PTGR1: variants seen among roughly 807,000 people sequenced by gnomAD.
PTGR1 encodes the protein 15-oxoprostaglandin 13-reductase.
In PTGR1, 23 loss-of-function variants were observed where a neutral mutation model predicts 37.7. The ratio of observed to expected loss-of-function variants is 0.61; its 90% CI spans 0.44 to 0.86. PTGR1 has a LOEUF of 0.86. Among genes scored for constraint, PTGR1 ranks in the 40% least tolerant of loss-of-function variants. The pLI is 0.00. For synonymous variants in PTGR1, 134 were observed against 140.0 expected, an observed-to-expected ratio of 0.96 and a Z score of 0.30; for missense variants, 351 against 394.3, an observed-to-expected ratio of 0.89 and a Z score of 0.93.
intron 4 of PTGR1, among the ~76,000 whole-genome samples, chr9:111,590,099 A>G (rs1829564142): frequency 6.6e-6 from 1 of 152,220 alleles, no homozygotes; most frequent in Non-Finnish European, 1.5e-5. Flanking sequence ...TGCAACACTA[A>G]TATCCTGAAC....
intron 8 of PTGR1, among the ~76,000 whole-genome samples, chr9:111,573,634 G>T (rs917918675): frequency 1.3e-5 from 2 of 152,104 alleles, no homozygotes; most frequent in African/African-American, 4.8e-5. Flanking sequence ...CAGAATCACT[G>T]TAGCAGAAAC....
At chr9:111,597,114 C>T (rs2132448765) in intron 2 of PTGR1, among the ~76,000 whole-genome samples, 1 of 152,078 alleles carries the variant, frequency 6.6e-6, no homozygotes, top group South Asian at 2.1e-4. Flanking sequence ...GTGAGCAAGG[C>T]CCATCCTAAA....
intron 9 of PTGR1, among the ~76,000 whole-genome samples, chr9:111,569,194 A>G (rs1029137766): frequency 6.6e-6 from 1 of 152,184 alleles, no homozygotes; most frequent in African/African-American, 2.4e-5. Flanking sequence ...GGGAACTCCC[A>G]GCATACTGAG....
At chr9:111,599,282 C>G (rs1052943216) in intron 1 of PTGR1, 5 of 152,346 alleles carry the variant, frequency 3.3e-5, no homozygotes, top group South Asian at 2.1e-4. Context: ...TACCCTCCCC[C>G]AGTTGTGCAG....
chr9:111,584,183 G>T (rs1829362450), intron 5 of PTGR1, among the ~76,000 whole-genome samples: 4 of 152,230 alleles, frequency 2.6e-5, no homozygotes, highest in Admixed American at 2.6e-4. Context: ...TACTGATGGG[G>T]ACTGGGTGAA....
chr9:111,586,979 T>C (rs1054677342), intron 4 of PTGR1, among the ~76,000 whole-genome samples: 2 of 152,054 alleles, frequency 1.3e-5, no homozygotes, highest in African/African-American at 4.8e-5. Context: ...AACACCAGAC[T>C]AATTTTTGTA....
At chr9:111,570,666 C>A (rs1828778395) in intron 8 of PTGR1, among the ~76,000 whole-genome samples, 1 of 151,712 alleles carries the variant, frequency 6.6e-6, no homozygotes, top group Non-Finnish European at 1.5e-5. Context: ...ATAGTCCCAG[C>A]TACTTGGGAG....
At chr9:111,577,776 T>C (rs1291556960) in intron 7 of PTGR1, 1 of 151,726 alleles carries the variant, frequency 6.6e-6, no homozygotes, top group Non-Finnish European at 1.5e-5. Flanking sequence ...GCGAGGGAGG[T>C]CGAGGCTGCA....
intron 9 of PTGR1, among the ~76,000 whole-genome samples, chr9:111,550,531 C>T (rs1246907794): frequency 6.6e-6 from 1 of 152,176 alleles, no homozygotes; most frequent in Non-Finnish European, 1.5e-5. Context: ...CTGCAATTTA[C>T]CACTCAGAAT....
chr9:111,592,632 T>C, intron 4 of PTGR1: 1 of 273,548 alleles, frequency 3.7e-6, no homozygotes, highest in Middle Eastern at 1.3e-3. Flanking sequence ...TGTTGCATTG[T>C]GGGCTGCTGG....
chr9:111,570,734 G>A (rs1031619697), intron 8 of PTGR1, among the ~76,000 whole-genome samples: 24 of 152,166 alleles, frequency 1.6e-4, no homozygotes, highest in East Asian at 7.8e-4. Flanking sequence ...AGCCAAGATC[G>A]TGCCACCGCA....
At chr9:111,557,570 C>T (rs927819675), downstream of PTGR1, among the ~76,000 whole-genome samples, 2 of 151,854 alleles carry the variant, frequency 1.3e-5, no homozygotes, top group African/African-American at 2.4e-5. Context: ...CTCAGCCTCC[C>T]GAGTGGCTGT....
At chr9:111,574,629 G>T in intron 8 of PTGR1, 105 bp downstream of exon 8, 112 of 649,590 alleles carry the variant, frequency 1.7e-4, no homozygotes, top group Non-Finnish European at 2.4e-4. Flanking sequence ...AAGAATATAT[G>T]AAAATCTTTC....
chr9:111,564,166 G>C (rs1257142224), intron 9 of PTGR1: 4 of 947,924 alleles, frequency 4.2e-6, no homozygotes, highest in Non-Finnish European at 5.2e-6. Context: ...CCTGATACAA[G>C]TTTTTCGCTA....
chr9:111,563,210 A>G lies in PTGR1; in HGVS notation c.901T>C (p.Tyr301His), dbSNP rs1231701720. 1.9e-6 allele frequency: 3 copies of G among 1,613,596 alleles called. No individual in the cohort carries two copies. The highest frequency in any genetic ancestry group is 1.7e-5 in the Admixed American group (1 of 59,958). Residue 301 changes from tyrosine (Y) to histidine (H), a missense_variant, in exon 10 of 10, where the codon TAT (tyrosine) becomes CAT (histidine). By Grantham distance (83) the Tyr-to-His change is moderately conservative (BLOSUM62 2). Transcript: ENST00000407693. ...VLEGKIQYKE[Y>H]IIEGFENMPA... ...ATGTTTTCAAATCCTTCAATGATAT[A>G]TTCCTTGTACTGGATTTTACCCTGT...
At chr9:111,557,471 A>G (rs1828158536) in intron 9 of PTGR1, among the ~76,000 whole-genome samples, 1 of 150,908 alleles carries the variant, frequency 6.6e-6, no homozygotes, top group Non-Finnish European at 1.5e-5. Flanking sequence ...TTGGAGATGG[A>G]GTCTCGCTCT....
chr9:111,552,951 A>G (rs948246765), intron 9 of PTGR1, among the ~76,000 whole-genome samples: 2 of 152,144 alleles, frequency 1.3e-5, no homozygotes, highest in South Asian at 4.1e-4. Context: ...TAATTTCTTC[A>G]TCTCTCCATC....
chr9:111,594,514 G>A (rs758347296), intron 2 of PTGR1, among the ~76,000 whole-genome samples: 3 of 151,192 alleles, frequency 2.0e-5, no homozygotes, highest in East Asian at 3.9e-4. Context: ...AGAAAAAAAC[G>A]GAACTCAAGG....
At chr9:111,591,610 A>T (rs28592923) in intron 4 of PTGR1, among the ~76,000 whole-genome samples, 91,271 of 151,650 alleles carry the variant, frequency 0.6, 27,588 homozygotes, top group East Asian at 0.65. Flanking sequence ...CCTCAAGTGA[A>T]CTGCCCACCT....
Sources: gnomAD v4.1 joint callset for allele counts (sites outside exome capture counted in the v4.1 genomes callset) on GRCh38, gnomAD v4.1.1 for gene constraint, MANE v1.5 for transcripts, NCBI Gene and HGNC (gene_info 2026-07-23, HGNC 2026-07-21) for gene names.